Variants in ERBB4 observed in about 807,000 individuals in gnomAD.
ERBB4 encodes erb-b2 receptor tyrosine kinase 4, also known as receptor tyrosine-protein kinase erbB-4.
A neutral mutation model predicts 158.0 loss-of-function variants in ERBB4; 42 were observed. The observed-to-expected ratio is 0.27, with a 90% CI of 0.21 to 0.34. The LOEUF (loss-of-function observed/expected upper bound fraction) is 0.34, where lower values mean the gene tolerates loss of function less well. Among genes scored for constraint, ERBB4 ranks in the 10% least tolerant of loss-of-function variants. The pLI is 1.00. For synonymous variants in ERBB4, 583 were observed against 558.7 expected (o/e 1.04, Z -0.61); for missense variants, 1,333 against 1,624.1 (o/e 0.82, Z 3.08).
chr2:211,732,687 G>T (rs2074463227), intron 5 of ERBB4, among the ~76,000 whole-genome samples: 1 of 152,136 alleles, frequency 6.6e-6, no homozygotes, highest in Non-Finnish European at 1.5e-5. Flanking sequence ...GGCCGGACAT[G>T]GTGGCTCACG....
chr2:212,464,926 A>ACACACACC (rs1307201358), intron 1 of ERBB4, among the ~76,000 whole-genome samples: 2 of 144,610 alleles, frequency 1.4e-5, no homozygotes, highest in African/African-American at 5.0e-5. Context: ...ACACACACAC[A>ACACACACC]CCCCTTAGAA....
At chr2:212,015,041 AATATATATAT>A (rs58361195) in intron 2 of ERBB4, among the ~76,000 whole-genome samples, 6 of 9,202 alleles carry the variant, frequency 6.5e-4, no homozygotes, top group African/African-American at 1.3e-3. Flanking sequence ...AAAAAAAAAA[AATATATATAT>A]ATATATATAT....
chr2:211,974,169 A>G (rs556870568), intron 2 of ERBB4, among the ~76,000 whole-genome samples: 3 of 152,362 alleles, frequency 2.0e-5, no homozygotes, highest in African/African-American at 7.2e-5. Flanking sequence ...AATCTGTACA[A>G]CAAACTTCCA....
intron 3 of ERBB4, among the ~76,000 whole-genome samples, chr2:211,837,071 T>C (rs1401160411): frequency 6.6e-6 from 1 of 152,068 alleles, no homozygotes; most frequent in Admixed American, 6.6e-5. Context: ...ATGAAATACA[T>C]CTAAATAATA....
intron 3 of ERBB4, among the ~76,000 whole-genome samples, chr2:211,835,341 C>T (rs982373175): frequency 2.4e-4 from 23 of 94,982 alleles, no homozygotes; most frequent in Admixed American, 1.4e-3. Context: ...TGCCATTTTT[C>T]TGCCTCCAGT....
In ERBB4 at chr2:212,320,198, CATCTA is replaced by C. The variant is rs1220611924; in HGVS notation, c.83-195300_83-195296del. Among the ~76,000 whole-genome samples the C allele has an allele frequency of 5.5e-3, 805 of 145,428 alleles. 13 individuals are homozygous for C. The highest frequency in any genetic ancestry group is 0.018 in the African/African-American group (714 of 40,712). ...AATCTACCAGGCCGATTACTGGGTA[CATCTA>C]CCAGGCAGATTTACGCAGTCATACT... is the stretch of plus-strand genomic sequence containing the variant. On this transcript the variant is annotated intron_variant, in intron 1 of 27. Transcript: ENST00000342788.
intron 20 of ERBB4, among the ~76,000 whole-genome samples, chr2:211,431,645 C>T (rs2063750678): frequency 6.6e-6 from 1 of 152,054 alleles, no homozygotes; most frequent in Non-Finnish European, 1.5e-5. Flanking sequence ...TAATCATGCA[C>T]AGAATGAAGT....
chr2:212,477,358 T>A (rs1479363911), intron 1 of ERBB4, among the ~76,000 whole-genome samples: 1 of 152,024 alleles, frequency 6.6e-6, no homozygotes, highest in Non-Finnish European at 1.5e-5. Context: ...TCCAATGTAA[T>A]CAGATAAGGA....
intron 2 of ERBB4, among the ~76,000 whole-genome samples, chr2:212,073,703 C>T (rs761391543): frequency 1.3e-5 from 2 of 151,750 alleles, no homozygotes; most frequent in South Asian, 2.1e-4. Context: ...TGGATCTGGG[C>T]GGGAGGCAGG....
At chr2:211,485,046 C>G (rs895737396) in intron 20 of ERBB4, among the ~76,000 whole-genome samples, 1 of 152,162 alleles carries the variant, frequency 6.6e-6, no homozygotes, top group Non-Finnish European at 1.5e-5. Context: ...CAGCATCCAT[C>G]AGACCATCCA....
chr2:211,899,568 A>G (rs926075241), intron 3 of ERBB4, among the ~76,000 whole-genome samples: 3 of 152,136 alleles, frequency 2.0e-5, no homozygotes, highest in Non-Finnish European at 4.4e-5. Flanking sequence ...GCAGACCTGT[A>G]AAATTAGACA....
intron 25 of ERBB4, among the ~76,000 whole-genome samples, chr2:211,390,751 T>G (rs1480685353): frequency 6.6e-6 from 1 of 152,212 alleles, no homozygotes; most frequent in South Asian, 2.1e-4. Flanking sequence ...GTCAGCAACC[T>G]GCCAACTCTG....
chr2:211,773,200 G>T (rs988721015), intron 4 of ERBB4, among the ~76,000 whole-genome samples: 4 of 150,962 alleles, frequency 2.6e-5, no homozygotes, highest in African/African-American at 9.7e-5. Context: ...AGGCTGGGAG[G>T]TTGGCAGTAA....
intron 3 of ERBB4, among the ~76,000 whole-genome samples, chr2:211,854,164 C>A (rs1474693074): frequency 1.3e-5 from 2 of 152,026 alleles, no homozygotes; most frequent in Non-Finnish European, 2.9e-5. Flanking sequence ...TTACAAATCT[C>A]TTTTCAGAAA....
intron 20 of ERBB4, among the ~76,000 whole-genome samples, chr2:211,492,676 C>A (rs981482094): frequency 1.3e-5 from 2 of 152,058 alleles, no homozygotes; most frequent in African/African-American, 4.8e-5. Flanking sequence ...CATTATGAGA[C>A]CTTTGAGTCC....
intron 1 of ERBB4, among the ~76,000 whole-genome samples, chr2:212,441,983 G>C (rs907354845): frequency 1.3e-5 from 2 of 152,186 alleles, no homozygotes; most frequent in Non-Finnish European, 2.9e-5. Flanking sequence ...CTGTATGTCA[G>C]ATCTAAGAGT....
chr2:212,256,240 A>C (rs1336889913), intron 1 of ERBB4, among the ~76,000 whole-genome samples: 1 of 152,178 alleles, frequency 6.6e-6, no homozygotes, highest in Non-Finnish European at 1.5e-5. Context: ...TAACATAGTA[A>C]ATGAAAATAT....
At chr2:211,895,620 AG>A (rs2079078074) in intron 3 of ERBB4, among the ~76,000 whole-genome samples, 1 of 152,116 alleles carries the variant, frequency 6.6e-6, no homozygotes, top group African/African-American at 2.4e-5. Flanking sequence ...AACAGCATAC[AG>A]GTAAAATGTA....
intron 1 of ERBB4, among the ~76,000 whole-genome samples, chr2:212,142,620 T>C (rs1348268685): frequency 6.8e-6 from 1 of 147,748 alleles, no homozygotes; most frequent in South Asian, 2.1e-4. Flanking sequence ...AATATATATA[T>C]AATATATATA....
Sources: gnomAD v4.1 joint callset for allele counts (sites outside exome capture counted in the v4.1 genomes callset) on GRCh38, gnomAD v4.1.1 for gene constraint, MANE v1.5 for transcripts, NCBI Gene and HGNC (gene_info 2026-07-23, HGNC 2026-07-21) for gene names.